ABCG2: variants seen among roughly 807,000 people sequenced by gnomAD.
The protein encoded by ABCG2 is broad substrate specificity ATP-binding cassette transporter ABCG2.
ABCG2 carries 80 observed loss-of-function variants against 73.5 expected under a neutral mutation model. The observed-to-expected ratio is 1.09, with a 90% CI of 0.91 to 1.31. The LOEUF (loss-of-function observed/expected upper bound fraction) is 1.31. Ranked by LOEUF, ABCG2 falls within the 50% of genes most tolerant of loss-of-function variation. ABCG2 has a pLI of 0.00. For synonymous variants in ABCG2, 269 were observed against 282.4 expected (o/e 0.95, Z 0.48); for missense variants, 796 against 786.2 (o/e 1.01, Z -0.15).
At chr4:88,188,511 C>A (rs1245910565) in intron 1 of ABCG2, among the ~76,000 whole-genome samples, 1 of 152,076 alleles carries the variant, frequency 6.6e-6, no homozygotes, top group East Asian at 1.9e-4. Flanking sequence ...CCACACCCAG[C>A]CAGAACTTTG....
chr4:88,174,833 G>C (rs967553708), intron 1 of ABCG2, among the ~76,000 whole-genome samples: 7 of 152,186 alleles, frequency 4.6e-5, no homozygotes, highest in Non-Finnish European at 8.8e-5. Flanking sequence ...TATTGCCTAG[G>C]TTTTCTCCTA....
At position 88,093,301 on chromosome 4, in the gene ABCG2, G is replaced by A. The variant is rs28579095; in HGVS notation, c.1821-920C>T. Among the ~76,000 whole-genome samples the A allele has an allele frequency of 7.1e-3, 1,077 of 152,142 alleles. 7 individuals carry two copies. Among genetic ancestry groups the A allele is most frequent in the African/African-American group, 0.025 (1,033 of 41,510 alleles). ...CAGGTGGATCACGAGGTCAGGAGAC[G>A]AGACCATCCTGGCTAACATGGTGAA... On this transcript the variant is annotated intron_variant, in intron 15 of 15. Transcript: ENST00000237612.
chr4:88,101,601 A>G (rs1722424362), intron 10 of ABCG2, among the ~76,000 whole-genome samples: 1 of 152,108 alleles, frequency 6.6e-6, no homozygotes, highest in South Asian at 2.1e-4. Flanking sequence ...CCAACCCCCA[A>G]TGTGATGGTA....
intron 15 of ABCG2, 84 bp from the exon 16 acceptor site, chr4:88,092,465 G>A: frequency 7.1e-7 from 1 of 1,404,912 alleles, no homozygotes; most frequent in South Asian, 1.5e-5. Context: ...CCTTAAAGGA[G>A]CCTAAAATTG....
chr4:88,219,364 T>C (rs944161048), intron 1 of ABCG2, among the ~76,000 whole-genome samples: 4 of 152,136 alleles, frequency 2.6e-5, no homozygotes, highest in African/African-American at 9.7e-5. Context: ...AGAAGACAGA[T>C]GATAGCACGT....
intron 4 of ABCG2, 115 bp downstream of exon 4, chr4:88,131,688 C>T (rs1018553576): frequency 1.7e-5 from 12 of 700,240 alleles, no homozygotes; most frequent in African/African-American, 3.6e-5. Context: ...CTGTAAAGAA[C>T]GTCAGTTCTA....
intron 13 of ABCG2, among the ~76,000 whole-genome samples, chr4:88,097,106 G>T (rs1167675029): frequency 1.3e-5 from 2 of 152,098 alleles, no homozygotes; most frequent in Non-Finnish European, 2.9e-5. Context: ...CAAATAATCT[G>T]TAATTCTCAA....
chr4:88,139,426 T>C (rs1332109693), intron 2 of ABCG2, among the ~76,000 whole-genome samples: 2 of 152,110 alleles, frequency 1.3e-5, no homozygotes, highest in Non-Finnish European at 2.9e-5. Flanking sequence ...GCTAATTTTT[T>C]GTATTTTCAG....
At chr4:88,186,506 T>C (rs1728459829) in intron 1 of ABCG2, among the ~76,000 whole-genome samples, 1 of 152,180 alleles carries the variant, frequency 6.6e-6, no homozygotes, top group African/African-American at 2.4e-5. Flanking sequence ...GCATGGTCGG[T>C]GGCTCATGCC....
chr4:88,153,365 A>G lies in ABCG2; in HGVS notation c.-20+5021T>C, dbSNP rs184917683. The stretch of plus-strand genomic sequence containing the variant: ...AGACTGGGGCCTAATAAAAAGGAGC[A>G]TCTATACAGGAGCTCAAATGGGCTG... On this transcript the variant is annotated intron_variant, in intron 1 of 15. Transcript: ENST00000237612. 7.4e-3 allele frequency among the ~76,000 whole-genome samples: 1,129 copies of G among 152,220 alleles called. 16 individuals carry two copies. The highest frequency in any genetic ancestry group is 0.025 in the African/African-American group (1,051 of 41,534).
At chr4:88,158,943 G>C (rs61181041), upstream of ABCG2, 4 of 348,442 alleles carry the variant, frequency 1.1e-5, no homozygotes, top group Non-Finnish European at 2.2e-5. Context: ...GGTTTCCCCA[G>C]GTCGGGGTTC....
intron 1 of ABCG2, among the ~76,000 whole-genome samples, chr4:88,176,154 C>CTCGGTTTTT (rs1335004081): frequency 1.6e-5 from 2 of 125,862 alleles, no homozygotes; most frequent in African/African-American, 5.6e-5. Flanking sequence ...TATGATTATT[C>CTCGGTTTTT]TTGTTTTTTT....
At chr4:88,228,522 T>C (rs1161307582) in intron 1 of ABCG2, among the ~76,000 whole-genome samples, 1 of 152,200 alleles carries the variant, frequency 6.6e-6, no homozygotes, top group Non-Finnish European at 1.5e-5. Flanking sequence ...GATCAGTCAG[T>C]GCTTATGCTA....
intron 1 of ABCG2, among the ~76,000 whole-genome samples, chr4:88,173,008 G>C (rs1037627212): frequency 6.6e-6 from 1 of 152,146 alleles, no homozygotes; most frequent in African/African-American, 2.4e-5. Context: ...AGTGATCTTA[G>C]TGGACTCATC....
rs564706814 is a variant in ABCG2 at position 88,123,693 on chromosome 4, G to A, written c.532-1901C>T. On this transcript the variant is annotated intron_variant, in intron 5 of 15. Coordinates refer to ENST00000237612, the MANE Select transcript of ABCG2 (RefSeq NM_004827.3). Reference sequence around the variant, plus strand: ...AAAGGACAAAACCTACGTTTTATTGGTGTACCTGAAAGTGACAGGGAGAAT... The same window carrying A: ...AAAGGACAAAACCTACGTTTTATTGATGTACCTGAAAGTGACAGGGAGAAT... 2.6e-5 allele frequency among the ~76,000 whole-genome samples: 4 copies of A among 152,248 alleles called. No individual in the cohort carries two copies. The South Asian group carries it at 8.3e-4, about 32-fold the overall frequency.
At chr4:88,096,378 C>T (rs1721985128) in intron 13 of ABCG2, among the ~76,000 whole-genome samples, 1 of 152,186 alleles carries the variant, frequency 6.6e-6, no homozygotes, top group Non-Finnish European at 1.5e-5. Context: ...GCATATAACA[C>T]AGCATCTCTG....
chr4:88,132,710 T>C, intron 2 of ABCG2, 75 bp from the exon 3 acceptor site: 1 of 1,470,266 alleles, frequency 6.8e-7, no homozygotes, highest in East Asian at 2.3e-5. Flanking sequence ...AGGCACTGAA[T>C]ATACTCAATG....
chr4:88,161,941 C>T (rs1727337213), upstream of ABCG2, among the ~76,000 whole-genome samples: 2 of 148,448 alleles, frequency 1.3e-5, no homozygotes, highest in African/African-American at 5.0e-5. Context: ...AGCATTTCTT[C>T]ATGTGTTTTT....
At chr4:88,124,380 A>G (rs1724234110) in intron 5 of ABCG2, among the ~76,000 whole-genome samples, 1 of 152,178 alleles carries the variant, frequency 6.6e-6, no homozygotes, top group Non-Finnish European at 1.5e-5. Flanking sequence ...AATTGGATAA[A>G]GAGTCAAGAC....
Sources: allele counts gnomAD v4.1 joint callset (sites outside exome capture counted in the v4.1 genomes callset), GRCh38; gene constraint gnomAD v4.1.1; transcripts MANE v1.5; gene names NCBI Gene and HGNC (gene_info 2026-07-23, HGNC 2026-07-21).